The following STAM variants were observed in gnomAD, a reference collection of about 807,000 sequenced individuals.
The protein encoded by STAM is signal transducing adaptor molecule.
STAM carries 16 observed loss-of-function variants against 63.4 expected under a neutral mutation model. The ratio of observed to expected loss-of-function variants is 0.25; its 90% CI spans 0.17 to 0.38. The LOEUF is 0.38. STAM is among the 10% of genes least tolerant of loss of function. The probability of loss-of-function intolerance (pLI) is 1.00; values close to 1 mark genes in which losing one functional copy is unlikely to be tolerated. For synonymous variants in STAM, 238 were observed against 223.9 expected, an observed-to-expected ratio of 1.06 and a Z score of -0.56; for missense variants, 636 against 657.1, an observed-to-expected ratio of 0.97 and a Z score of 0.35.
intron 2 of STAM, among the ~76,000 whole-genome samples, chr10:17,684,332 T>G (rs1835208117): frequency 6.6e-6 from 1 of 152,208 alleles, no homozygotes; most frequent in East Asian, 1.9e-4. Context: ...TTTCCAGTTT[T>G]CTAATTGTTT....
Position 17,700,406 on chromosome 10 carries a change from C to T in STAM, c.912+127C>T, listed in dbSNP as rs868923114. ...ATTTTTGTATTTTTTTATAAAAATT[C>T]AAGCAATATAGACGATGCAGACTGT... On this transcript the variant is annotated intron_variant, in intron 9 of 13. Coordinates refer to ENST00000377524, the MANE Select transcript of STAM (RefSeq NM_003473.4). 6 of 675,426 alleles carry T rather than the reference C, an allele frequency of 8.9e-6. No homozygotes were observed. The Middle Eastern group carries it at 1.2e-3, about 132-fold the overall frequency. The allele number at this position is 675,426 out of a possible 1,614,324, so 41.8% of individuals were successfully genotyped here.
At chr10:17,700,145 T>C in intron 8 of STAM, 46 bp from the exon 9 acceptor site, 1 of 1,471,810 alleles carries the variant, frequency 6.8e-7, no homozygotes, top group Non-Finnish European at 9.3e-7. Context: ...TAAAGTAGAA[T>C]TTTAAATGTA....
intron 13 of STAM, 135 bp from the exon 14 acceptor site, chr10:17,714,408 A>G: frequency 2.4e-6 from 2 of 829,370 alleles, no homozygotes; most frequent in Admixed American, 4.1e-5. Flanking sequence ...TGTTTGGCAC[A>G]TTATAGCTGT....
rs868947103 is a variant in STAM, at chr10:17,700,139, G to A, written c.824-52G>A. ...CTCTTGGAAGTTAAAGTGCTTTAAA[G>A]TAGAATTTTAAATGTATTATTAAAA... On this transcript the variant is annotated intron_variant, in intron 8 of 13. Transcript: ENST00000377524. 1.4e-5 allele frequency: 20 copies of A among 1,437,852 alleles called. No individual in the cohort carries two copies. The Middle Eastern group carries it at 3.4e-3, about 245-fold the overall frequency. 89.1% of individuals were successfully genotyped at this position (1,437,852 alleles called of 1,614,324 possible). A position where few individuals can be genotyped will look rare whatever the true frequency, so the allele number is the denominator to read the frequency against.
At chr10:17,700,072 G>A (rs778822078) in intron 8 of STAM, 119 bp from the exon 9 acceptor site, 83 of 647,530 alleles carry the variant, frequency 1.3e-4, no homozygotes, top group Admixed American at 1.1e-4. Context: ...CTTAAATTGC[G>A]CCTTTTAGCT....
rs1022829069 is a variant in STAM, at chr10:17,688,299, T to C, written c.444+126T>C. ...TTCAGAGGAATTTTCGTTAGCTAAT[T>C]GTGTTAGTAACTAGTTGTATTGCTA... On this transcript the variant is annotated intron_variant, in intron 5 of 13. Transcript: ENST00000377524. 6 of 909,776 alleles carry C rather than the reference T, an allele frequency of 6.6e-6. No homozygotes were observed. The South Asian group carries it at 1.7e-4, about 25-fold the overall frequency. 56.4% of individuals were successfully genotyped at this position (909,776 alleles called of 1,614,324 possible).
chr10:17,683,827 C>G (rs1554825768), intron 2 of STAM, among the ~76,000 whole-genome samples: 1 of 152,152 alleles, frequency 6.6e-6, no homozygotes. Flanking sequence ...CATATCATGT[C>G]TTCATATCAT....
chr10:17,674,381 C>G (rs1223981358), intron 2 of STAM, among the ~76,000 whole-genome samples: 1 of 152,096 alleles, frequency 6.6e-6, no homozygotes, highest in Non-Finnish European at 1.5e-5. Flanking sequence ...TGGGGTCTGT[C>G]ATGAAGTTGT....
chr10:17,697,707 G>A lies in STAM; in HGVS notation c.823+838G>A, dbSNP rs182021178. Among the ~76,000 whole-genome samples, 21 of 151,202 alleles carry A rather than the reference G, an allele frequency of 1.4e-4. No homozygotes were observed. In the East Asian group the frequency reaches 2.3e-3, roughly 17 times the overall value. On this transcript the variant is annotated intron_variant, in intron 8 of 13. Transcript: ENST00000377524. ...AGTTTAGTCATCAAGCAAAGTTTAA[G>A]TCATAATCTCCCCTCTAGGAAAACA...
In STAM at chr10:17,655,440, T is replaced by C. The variant is rs371956107; in HGVS notation, c.41-5024T>C. Among the ~76,000 whole-genome samples, 16 of 152,276 alleles carry C rather than the reference T, an allele frequency of 1.1e-4. No individual in the cohort carries two copies. The East Asian group carries it at 1.5e-3, about 15-fold the overall frequency. ...AGGTACCCTACCTAACCAATACCTA[T>C]TGGTTATTATCCACTTGGTCTTTAC... On this transcript the variant is annotated intron_variant, in intron 1 of 13. Transcript: ENST00000377524.
intron 1 of STAM, among the ~76,000 whole-genome samples, chr10:17,644,922 C>A (rs1833461754): frequency 6.6e-6 from 1 of 152,172 alleles, no homozygotes; most frequent in African/African-American, 2.4e-5. Flanking sequence ...AAATACTTGG[C>A]AACGACTGAA....
intron 1 of STAM, among the ~76,000 whole-genome samples, chr10:17,656,039 A>G (rs1275825614): frequency 6.6e-6 from 1 of 151,936 alleles, no homozygotes; most frequent in African/African-American, 2.4e-5. Flanking sequence ...TCACGCCTGC[A>G]ATCCCAGCAC....
rs149971772 is a variant in STAM, at chr10:17,714,594, A to G, written c.1437A>G (p.Val479=). 133 of 1,614,070 alleles carry G rather than the reference A, an allele frequency of 8.2e-5. No homozygotes were observed. Among genetic ancestry groups the G allele is most frequent in the Non-Finnish European group, 1.0e-4 (122 of 1,180,048 alleles). The change falls in exon 14 of 14, where the codon GTA becomes GTG. Residue 479 remains valine, a synonymous_variant. Transcript: ENST00000377524. ...QGNTYPSQAP[V]YSPPPAATAA... The stretch of plus-strand genomic sequence containing the variant: ...ACACATATCCCAGCCAGGCGCCAGT[A>G]TATAGTCCTCCTCCTGCCGCTACTG...
chr10:17,685,147 T>G (rs1225692516), intron 4 of STAM, among the ~76,000 whole-genome samples: 2 of 152,256 alleles, frequency 1.3e-5, no homozygotes, highest in East Asian at 3.8e-4. Context: ...GTTTTTAACC[T>G]GTTCTTTTCC....
intron 13 of STAM, 119 bp downstream of exon 13, chr10:17,709,070 G>A (rs1238144174): frequency 1.3e-5 from 16 of 1,230,188 alleles, no homozygotes; most frequent in African/African-American, 4.6e-5. Flanking sequence ...TCATGCGGCC[G>A]CCCCATTTGT....
At position 17,658,738 on chromosome 10, in the gene STAM, C is replaced by T. The variant is rs11254707; in HGVS notation, c.41-1726C>T. 5.3e-3 allele frequency among the ~76,000 whole-genome samples: 810 copies of T among 152,272 alleles called. 4 individuals are homozygous for T. Among genetic ancestry groups the T allele is most frequent in the African/African-American group, 0.019 (778 of 41,550 alleles). ...CTGGGCTCAAATGATCTGCCCACTT[C>T]GGCCTCCCAAAGTGTTGGGATTACA... is the stretch of plus-strand genomic sequence containing the variant. On this transcript the variant is annotated intron_variant, in intron 1 of 13. Transcript: ENST00000377524.
At chr10:17,708,659 A>C (rs549040979) in intron 12 of STAM, 117 bp from the exon 13 acceptor site, 2 of 1,073,324 alleles carry the variant, frequency 1.9e-6, no homozygotes, top group Admixed American at 6.2e-5. Context: ...AACTTTGAAA[A>C]AAGGATTCCA....
chr10:17,682,726 G>T (rs1051868292), intron 2 of STAM, among the ~76,000 whole-genome samples: 1 of 152,158 alleles, frequency 6.6e-6, no homozygotes, highest in Admixed American at 6.5e-5. Flanking sequence ...AATGCCATGG[G>T]TGGGTGGATT....
intron 2 of STAM, among the ~76,000 whole-genome samples, chr10:17,681,664 A>C (rs1160279587): frequency 6.6e-6 from 1 of 152,230 alleles, no homozygotes; most frequent in African/African-American, 2.4e-5. Context: ...ACTTATATAA[A>C]GAGCTCCCTG....
Sources: allele counts gnomAD v4.1 joint callset (sites outside exome capture counted in the v4.1 genomes callset), GRCh38; gene constraint gnomAD v4.1.1; transcripts MANE v1.5; gene names NCBI Gene and HGNC (gene_info 2026-07-23, HGNC 2026-07-21).